KCNH1: variants seen among roughly 807,000 people sequenced by gnomAD.
The protein encoded by KCNH1 is potassium voltage-gated channel subfamily H member 1, also known as voltage-gated delayed rectifier potassium channel KCNH1.
In KCNH1, 27 loss-of-function variants were observed where a neutral mutation model predicts 69.2. The observed-to-expected ratio is 0.39, with a 90% CI of 0.29 to 0.54. KCNH1 has a LOEUF of 0.54. Among genes scored for constraint, KCNH1 ranks in the 20% least tolerant of loss-of-function variants. The probability of loss-of-function intolerance (pLI) is 0.68; values close to 1 mark genes in which losing one functional copy is unlikely to be tolerated. For missense variants in KCNH1, 798 were observed against 1,261.6 expected (o/e 0.63, Z 5.57); for synonymous variants, 456 against 487.7 (o/e 0.93, Z 0.86).
chr1:211,052,094 T>G (rs1690217960), intron 5 of KCNH1, among the ~76,000 whole-genome samples: 1 of 152,254 alleles, frequency 6.6e-6, no homozygotes, highest in Admixed American at 6.5e-5. Context: ...CTCCCCTGCC[T>G]GACTTAAGTA....
intron 9 of KCNH1, among the ~76,000 whole-genome samples, chr1:210,783,807 T>C (rs1684039021): frequency 6.6e-6 from 1 of 152,196 alleles, no homozygotes. Context: ...TTCCTTTCTT[T>C]TGGGTTTTTG....
At chr1:210,811,493 T>C (rs1183568441) in intron 7 of KCNH1, among the ~76,000 whole-genome samples, 1 of 152,152 alleles carries the variant, frequency 6.6e-6, no homozygotes, top group African/African-American at 2.4e-5. Context: ...GCTTTCAAAT[T>C]TGTGTTACTG....
chr1:210,990,345 GA>G (rs776971002), intron 6 of KCNH1, among the ~76,000 whole-genome samples: 6 of 152,206 alleles, frequency 3.9e-5, no homozygotes, highest in Non-Finnish European at 8.8e-5. Context: ...AGCAAATGAA[GA>G]AAAATGTATA....
intron 2 of KCNH1, 23 bp downstream of exon 2, chr1:211,107,231 A>G (rs1691366154): frequency 3.7e-6 from 6 of 1,611,926 alleles, no homozygotes; most frequent in East Asian, 2.2e-5. Context: ...ATTGTTCACC[A>G]GAACAACTCC....
chr1:210,940,658 G>A (rs1055245152), intron 6 of KCNH1, among the ~76,000 whole-genome samples: 1 of 152,196 alleles, frequency 6.6e-6, no homozygotes, highest in Non-Finnish European at 1.5e-5. Context: ...TGCGTATTCA[G>A]TTGTGATAAT....
In KCNH1 at chr1:211,031,943, T is replaced by C. The variant is rs549150961; in HGVS notation, c.559-12687A>G. On this transcript the variant is annotated intron_variant, in intron 5 of 10. Coordinates refer to ENST00000271751, the MANE Select transcript of KCNH1 (RefSeq NM_172362.3). ...AGGCAGGAGAAGGAAATAAAGGGTA[T>C]TCAATTAGGAAAAGAGGAAGTCAAA... 5.9e-4 allele frequency among the ~76,000 whole-genome samples: 90 copies of C among 152,282 alleles called. 3 individuals are homozygous for C. The East Asian group carries it at 0.016, about 28-fold the overall frequency.
chr1:211,083,019 A>T (rs2102467415), intron 4 of KCNH1, 121 bp from the exon 5 acceptor site: 1 of 754,382 alleles, frequency 1.3e-6, no homozygotes, highest in Non-Finnish European at 2.2e-6. Flanking sequence ...AGCTCCCATG[A>T]GTCACTCTGC....
At chr1:210,704,796 T>TATTTA (rs1204154907) in intron 10 of KCNH1, among the ~76,000 whole-genome samples, 8 of 152,216 alleles carry the variant, frequency 5.3e-5, no homozygotes, top group African/African-American at 1.9e-4. Flanking sequence ...TTTGGTCTTT[T>TATTTA]ATTTAAACCC....
intron 7 of KCNH1, among the ~76,000 whole-genome samples, chr1:210,819,944 G>GGAGAT (rs1360232294): frequency 6.6e-6 from 1 of 152,214 alleles, no homozygotes; most frequent in Non-Finnish European, 1.5e-5. Flanking sequence ...CCAGCCCCAA[G>GGAGAT]GAGATGCACA....
chr1:211,113,969 C>A (rs80071376), intron 1 of KCNH1, among the ~76,000 whole-genome samples: 5 of 132,128 alleles, frequency 3.8e-5, no homozygotes, highest in African/African-American at 1.0e-4. Flanking sequence ...CTCTCTCTCT[C>A]TCTCTCACAC....
At chr1:210,862,797 A>G (rs986676953) in intron 7 of KCNH1, among the ~76,000 whole-genome samples, 17 of 152,200 alleles carry the variant, frequency 1.1e-4, no homozygotes, top group Non-Finnish European at 2.4e-4. Flanking sequence ...AACATTAGAG[A>G]AATGTTCAGG....
At chr1:210,951,935 G>A (rs1267862990) in intron 6 of KCNH1, among the ~76,000 whole-genome samples, 1 of 152,052 alleles carries the variant, frequency 6.6e-6, no homozygotes, top group Non-Finnish European at 1.5e-5. Flanking sequence ...TAAGCCATGC[G>A]TTTCAGCCCC....
At chr1:210,886,684 A>G (rs960752278) in intron 7 of KCNH1, among the ~76,000 whole-genome samples, 6 of 152,080 alleles carry the variant, frequency 3.9e-5, no homozygotes, top group African/African-American at 1.4e-4. Context: ...TAGAATAACA[A>G]GTTTAGAGAA....
chr1:210,836,106 C>G (rs919361262), intron 7 of KCNH1, among the ~76,000 whole-genome samples: 1 of 82,010 alleles, frequency 1.2e-5, no homozygotes, highest in African/African-American at 4.5e-5. Context: ...AGCGAGTCTC[C>G]GTCTCAAAAA....
intron 6 of KCNH1, among the ~76,000 whole-genome samples, chr1:210,931,170 A>G (rs1361818317): frequency 6.6e-6 from 1 of 152,198 alleles, no homozygotes; most frequent in East Asian, 1.9e-4. Flanking sequence ...CTAGGTATCT[A>G]CCCAGAGGAA....
intron 7 of KCNH1, among the ~76,000 whole-genome samples, chr1:210,911,341 A>T (rs1314073352): frequency 6.6e-6 from 1 of 152,178 alleles, no homozygotes; most frequent in Non-Finnish European, 1.5e-5. Flanking sequence ...TCATTGACTC[A>T]TCTGGCTCCC....
chr1:210,822,332 T>C (rs1361340984), intron 7 of KCNH1, among the ~76,000 whole-genome samples: 2 of 151,848 alleles, frequency 1.3e-5, no homozygotes, highest in Non-Finnish European at 2.9e-5. Context: ...GAGATGAGGA[T>C]GGAGAGGCAG....
At chr1:211,046,981 A>G (rs1000152315) in intron 5 of KCNH1, among the ~76,000 whole-genome samples, 11 of 152,234 alleles carry the variant, frequency 7.2e-5, no homozygotes, top group Admixed American at 7.2e-4. Context: ...AAGTAAAAGA[A>G]AACAAGTAAA....
At position 211,082,863 on chromosome 1, in the gene KCNH1, T is replaced by C. The variant is rs1690882891; in HGVS notation, c.475A>G (p.Thr159Ala). ...TGCTGCAGGACACCCCTGCTGCTTG[T>C]CAGTGCTCTTGTCAGCCGAGCAAAC... ...GKFARLTRAL[T>A]SSRGVLQQLA... Residue 159 changes from threonine (T) to alanine (A), a missense_variant, in exon 5 of 11, where the codon ACA (threonine) becomes GCA (alanine). By Grantham distance (58) the Thr-to-Ala change is moderately conservative (BLOSUM62 0). Coordinates refer to ENST00000271751, the MANE Select transcript of KCNH1 (RefSeq NM_172362.3). 6.2e-7 allele frequency: 1 copy of C among 1,614,106 alleles called. No homozygotes were observed. The highest frequency in any genetic ancestry group is 1.7e-5 in the Admixed American group (1 of 60,004).
Sources: gnomAD v4.1 joint callset for allele counts (sites outside exome capture counted in the v4.1 genomes callset) on GRCh38, gnomAD v4.1.1 for gene constraint, MANE v1.5 for transcripts, NCBI Gene and HGNC (gene_info 2026-07-23, HGNC 2026-07-21) for gene names.